Variants in UBQLN4 observed in about 807,000 individuals in gnomAD.
The protein encoded by UBQLN4 is ubiquilin-4.
A neutral mutation model predicts 60.4 loss-of-function variants in UBQLN4; 11 were observed. The ratio of observed to expected loss-of-function variants is 0.18; its 90% confidence interval spans 0.11 to 0.30. UBQLN4 has a LOEUF of 0.30. Ranked by LOEUF, UBQLN4 falls within the 10% of genes least tolerant of loss-of-function variation. UBQLN4 has a pLI of 1.00. For synonymous variants in UBQLN4, 258 were observed against 313.1 expected (o/e 0.82, Z 1.86); for missense variants, 417 against 795.5 (o/e 0.52, Z 5.72).
chr1:156,043,916 G>A (rs1231938827), intron 6 of UBQLN4, 82 bp downstream of exon 6: 3 of 1,424,074 alleles, frequency 2.1e-6, no homozygotes, highest in Non-Finnish European at 2.9e-6. Context: ...CAAAATCCTG[G>A]AGCAGTATGA....
downstream of UBQLN4, among the ~76,000 whole-genome samples, chr1:156,032,065 G>A: frequency 6.6e-6 from 1 of 151,120 alleles, no homozygotes; most frequent in East Asian, 2.0e-4. Flanking sequence ...CTTCCAAAAT[G>A]AGTTTTTTTT....
rs1399257363 is a variant in UBQLN4, at chr1:156,050,741, C to T, written c.479-188G>A. On this transcript the variant is annotated intron_variant, in intron 3 of 10. Transcript: ENST00000368309. The surrounding 1 kb of genome is among the most constrained non-coding windows in gnomAD (Gnocchi z 4.6). ...GTGAGCCTACTAGACTGAGGCTGTG[C>T]CAAACATAGAACTGAGCAGAGAGAA... Among the ~76,000 whole-genome samples the T allele has an allele frequency of 6.6e-6, 1 of 152,206 alleles. No homozygotes were observed. The highest frequency in any genetic ancestry group is 3.2e-3 in the Middle Eastern group (1 of 316).
rs965051708 is a variant in UBQLN4 at position 156,035,943 on chromosome 1, C to T, written c.*1035G>A. 2.0e-6 allele frequency: 2 copies of T among 985,580 alleles called. No homozygotes were observed. The highest frequency in any genetic ancestry group is 1.7e-5 in the African/African-American group (1 of 57,332). The allele number at this position is 985,580 out of a possible 1,614,324, so 61.1% of individuals were successfully genotyped here. A position where few individuals can be genotyped will look rare whatever the true frequency, so the allele number is the denominator to read the frequency against. Reference sequence around the variant, plus strand: ...CACATGCACCTCCCCACTACTCACACAGACCCCAACCCCCTTCATGTCTTT... The same window carrying T: ...CACATGCACCTCCCCACTACTCACATAGACCCCAACCCCCTTCATGTCTTT... On this transcript the variant is annotated 3_prime_UTR_variant, in exon 11 of 11. Transcript: ENST00000368309.
rs181820460 is a variant in UBQLN4 at position 156,045,147 on chromosome 1, A to C, written c.901-924T>G. Among the ~76,000 whole-genome samples the C allele has an allele frequency of 2.6e-3, 402 of 152,254 alleles. 1 individual carries two copies. The highest frequency in any genetic ancestry group is 4.3e-3 in the Admixed American group (66 of 15,298). On this transcript the variant is annotated intron_variant, in intron 5 of 10. Transcript: ENST00000368309. ...CAGCAGCTCTCTTTCCTGAGTTCCC[A>C]GGTGGTCCTACCTCAGCCCCTCCCC...
At chr1:156,051,470 CG>C in intron 2 of UBQLN4, 143 bp from the exon 3 acceptor site, 1 of 1,185,788 alleles carries the variant, frequency 8.4e-7, no homozygotes, top group Non-Finnish European at 1.2e-6. Flanking sequence ...GGGGTGATGG[CG>C]GGAGGGCAGT....
chr1:156,036,820 C>T lies in UBQLN4; in HGVS notation c.*158G>A, dbSNP rs1002320552. ...GTAAAACCATAATTCTCAGACAGAG[C>T]TAAGGGGTTGGAGCCCATGCCTCTA... is the stretch of plus-strand genomic sequence containing the variant. On this transcript the variant is annotated 3_prime_UTR_variant, in exon 11 of 11. Coordinates refer to ENST00000368309, the MANE Select transcript of UBQLN4 (RefSeq NM_020131.5). The T allele has an allele frequency of 7.3e-6, 11 of 1,503,894 alleles. No homozygotes were observed. Among genetic ancestry groups the T allele is most frequent in the South Asian group, 1.4e-5 (1 of 72,862 alleles). 93.2% of individuals were successfully genotyped at this position (1,503,894 alleles called of 1,614,324 possible).
In UBQLN4 at chr1:156,042,882, G is replaced by C; in HGVS notation, c.1158C>G (p.Leu386=). 2 of 1,614,188 alleles carry C rather than the reference G, an allele frequency of 1.2e-6. No homozygotes were observed. Among genetic ancestry groups the C allele is most frequent in the Non-Finnish European group, 8.5e-7 (1 of 1,180,018 alleles). Residue 386 remains leucine (L), a synonymous_variant, in exon 7 of 11, where the codon CTC becomes CTG. Transcript: ENST00000368309. The stretch of plus-strand genomic sequence containing the variant: ...GGGGGTTCTCAGAGATCTGCTGGAG[G>C]AGGGCTTGCATTTCTGGGCTATTGA... ...GMFNSPEMQA[L]LQQISENPQL...
At position 156,036,838 on chromosome 1, in the gene UBQLN4, T is replaced by C. The variant is rs1427550303; in HGVS notation, c.*140A>G. 5.3e-6 allele frequency: 8 copies of C among 1,513,008 alleles called. No homozygotes were observed. The highest frequency in any genetic ancestry group is 1.4e-5 in the South Asian group (1 of 73,928). The allele number at this position is 1,513,008 out of a possible 1,614,324, so 93.7% of individuals were successfully genotyped here. ...GACAGAGCTAAGGGGTTGGAGCCCA[T>C]GCCTCTAAAGTCACCCTGCTGTTTG... On this transcript the variant is annotated 3_prime_UTR_variant, in exon 11 of 11. Transcript: ENST00000368309.
intron 1 of UBQLN4, 59 bp from the exon 2 acceptor site, chr1:156,051,916 C>A (rs1451370453): frequency 6.2e-7 from 1 of 1,602,786 alleles, no homozygotes; most frequent in East Asian, 2.2e-5. Flanking sequence ...TACCAGGGAC[C>A]CTGACTCTTT....
At position 156,041,470 on chromosome 1, in the gene UBQLN4, C is replaced by T. The variant is rs375086934; in HGVS notation, c.1653+15G>A. ...AAGTGGTGCTCCCAGCACCTGCCCC[C>T]ACTGCCTCATGTACCTGTGAGTTTC... On this transcript the variant is annotated intron_variant, in intron 10 of 10. Transcript: ENST00000368309. 13 of 1,550,588 alleles carry T rather than the reference C, an allele frequency of 8.4e-6. No individual in the cohort carries two copies. The highest frequency in any genetic ancestry group is 1.1e-5 in the Non-Finnish European group (13 of 1,147,594).
At chr1:156,051,386 T>C in intron 2 of UBQLN4, 59 bp from the exon 3 acceptor site, 2 of 1,527,470 alleles carry the variant, frequency 1.3e-6, no homozygotes. Flanking sequence ...GAAGGTACCG[T>C]GACAATCTCT....
chr1:156,051,651 G>C, intron 2 of UBQLN4, 55 bp downstream of exon 2: 1 of 1,608,286 alleles, frequency 6.2e-7, no homozygotes, highest in East Asian at 2.2e-5. Context: ...GAGTGAGAAA[G>C]TATCAGATGG....
downstream of UBQLN4, among the ~76,000 whole-genome samples, chr1:156,032,954 A>G (rs1262527210): frequency 5.9e-5 from 9 of 152,250 alleles, no homozygotes; most frequent in African/African-American, 2.2e-4. Context: ...GAGGAGGAGG[A>G]CCAGAGAGAG....
chr1:156,037,841 G>C (rs1009620576), intron 10 of UBQLN4, among the ~76,000 whole-genome samples: 1 of 152,162 alleles, frequency 6.6e-6, no homozygotes, highest in Non-Finnish European at 1.5e-5. Flanking sequence ...CCATATGAAA[G>C]GCTAGAGAAG....
chr1:156,041,792 T>C, intron 9 of UBQLN4, 80 bp downstream of exon 9: 1 of 1,478,444 alleles, frequency 6.8e-7, no homozygotes, highest in Non-Finnish European at 9.1e-7. Context: ...ACACAAAGGA[T>C]GCTGAGAGAG....
In UBQLN4 at chr1:156,036,014, T is replaced by C; in HGVS notation, c.*964A>G. The C allele has an allele frequency of 4.1e-6, 4 of 985,670 alleles. No individual in the cohort carries two copies. The highest frequency in any genetic ancestry group is 3.6e-6 in the Non-Finnish European group (3 of 829,994). The allele number at this position is 985,670 out of a possible 1,614,324, so 61.1% of individuals were successfully genotyped here. A position where few individuals can be genotyped will look rare whatever the true frequency, so the allele number is the denominator to read the frequency against. ...GGTGCCTGGGGACACAAGCAAGACC[T>C]GGGTCCATGGAAATGTGTGTGTGTG... On this transcript the variant is annotated 3_prime_UTR_variant, in exon 11 of 11. Coordinates refer to ENST00000368309, the MANE Select transcript of UBQLN4 (RefSeq NM_020131.5).
intron 10 of UBQLN4, among the ~76,000 whole-genome samples, chr1:156,038,472 C>G (rs1683462998): frequency 1.3e-5 from 2 of 151,992 alleles, no homozygotes; most frequent in East Asian, 3.9e-4. Flanking sequence ...CCAGACTGGC[C>G]AACATGGCGA....
intron 4 of UBQLN4, among the ~76,000 whole-genome samples, chr1:156,049,162 TA>T (rs1475858194): frequency 6.6e-6 from 1 of 152,230 alleles, no homozygotes; most frequent in African/African-American, 2.4e-5. Flanking sequence ...TCAGAGATGT[TA>T]ATTGACTTGC....
rs1361511572 is a variant in UBQLN4, at chr1:156,044,092, C to T, written c.1032G>A (p.Gly344=). Residue 344 remains glycine (G), a synonymous_variant, in exon 6 of 11, where the codon GGG becomes GGA. Coordinates refer to ENST00000368309, the MANE Select transcript of UBQLN4 (RefSeq NM_020131.5). ...SPSPPTSQAP[G]SGGEGTGGSG... ...ATCCTCCGGTGCCCTCCCCACCGGA[C>T]CCGGGGGCCTGGGAGGTGGGGGGCG... is the stretch of plus-strand genomic sequence containing the variant. 3 of 1,592,628 alleles carry T rather than the reference C, an allele frequency of 1.9e-6. No individual in the cohort carries two copies. The highest frequency in any genetic ancestry group is 1.7e-6 in the Non-Finnish European group (2 of 1,169,598).
Sources: gnomAD v4.1 joint callset for allele counts (sites outside exome capture counted in the v4.1 genomes callset) on GRCh38, gnomAD v4.1.1 for gene constraint, Gnocchi (gnomAD v3.1) non-coding constraint, MANE v1.5 for transcripts, NCBI Gene and HGNC (gene_info 2026-07-23, HGNC 2026-07-21) for gene names.